Variants in ALDH5A1 observed in about 807,000 individuals in gnomAD.
The protein encoded by ALDH5A1 is aldehyde dehydrogenase 5 family member A1.
A neutral mutation model predicts 54.7 loss-of-function variants in ALDH5A1; 33 were observed. The ratio of observed to expected loss-of-function variants is 0.60; its 90% CI spans 0.46 to 0.81. ALDH5A1 has a LOEUF of 0.81. ALDH5A1 is among the 30% of genes least tolerant of loss of function. The pLI is 0.00. For synonymous variants in ALDH5A1, 294 were observed against 292.7 expected (o/e 1.00, Z -0.05); for missense variants, 657 against 711.0 (o/e 0.92, Z 0.86).
rs890442170 is a variant in ALDH5A1 at position 24,518,273 on chromosome 6, C to T, written c.871-2128C>T. Among the ~76,000 whole-genome samples, 9 of 152,122 alleles carry T rather than the reference C, an allele frequency of 5.9e-5. No homozygotes were observed. Among genetic ancestry groups the T allele is most frequent in the African/African-American group, 1.7e-4 (7 of 41,404 alleles). Reference sequence around the variant, plus strand: ...ACATGCTGTCTTTGGAAGCTGAGGCCCTGAGGAGGTCAGCCCATGGGAACT... The same window carrying T: ...ACATGCTGTCTTTGGAAGCTGAGGCTCTGAGGAGGTCAGCCCATGGGAACT... On this transcript the variant is annotated intron_variant, in intron 5 of 9. Transcript: ENST00000357578. The surrounding 1 kb of genome is among the most constrained non-coding windows in gnomAD (Gnocchi z 4.2).
In ALDH5A1 at chr6:24,522,501, G is replaced by GTGTGTGTA. The variant is rs1554137632; in HGVS notation, c.1015-263_1015-262insGTGTATGT. On this transcript the variant is annotated intron_variant, in intron 6 of 9. Transcript: ENST00000357578. ...TTCGTGTGTGTGTGTGTGTGTGTGT[G>GTGTGTGTA]TGTACAGGTGCTTATTGCCAACTAA... 293 of 362,302 alleles carry GTGTGTGTA rather than the reference G, an allele frequency of 8.1e-4. 1 individual carries two copies. The highest frequency in any genetic ancestry group is 2.4e-3 in the South Asian group (91 of 38,130). 22.4% of individuals were successfully genotyped at this position (362,302 alleles called of 1,614,324 possible).
chr6:24,529,788 C>T (rs891139289), intron 8 of ALDH5A1, among the ~76,000 whole-genome samples: 16 of 147,188 alleles, frequency 1.1e-4, no homozygotes, highest in African/African-American at 4.0e-4. Context: ...TCTCCTGACT[C>T]AGCCTCCTGA....
intron 4 of ALDH5A1, among the ~76,000 whole-genome samples, chr6:24,506,291 T>C (rs1759354914): frequency 8.2e-6 from 1 of 122,364 alleles, no homozygotes; most frequent in South Asian, 3.1e-4. Flanking sequence ...TCTCGCTCTG[T>C]CACCCAGGCT....
rs1045445950 is a variant in ALDH5A1, at chr6:24,495,129, C to A, written c.133C>A (p.Arg45Ser). ...GCCTGCGCCCGGCCCGGCCCAGCTC[C>A]GCTGCTACGCTGGGCGCCTGGCGGG... ...SGPAPGPAQL[R>S]CYAGRLAGLS... The change falls in exon 1 of 10, where the codon CGC (arginine) becomes AGC (serine). Residue 45 changes from arginine to serine, a missense_variant. Around this residue, in one of 2 missense-constraint regions of ALDH5A1, gnomAD observed 232 missense variants for 194.6 expected, o/e 1.19. Transcript: ENST00000357578. 1.5e-5 allele frequency: 21 copies of A among 1,388,378 alleles called. No homozygotes were observed. The African/African-American group carries it at 3.2e-4, about 21-fold the overall frequency. 86.0% of individuals were successfully genotyped at this position (1,388,378 alleles called of 1,614,324 possible). A position where few individuals can be genotyped will look rare whatever the true frequency, so the allele number is the denominator to read the frequency against.
chr6:24,520,678 C>A, intron 6 of ALDH5A1, 134 bp downstream of exon 6: 1 of 1,317,506 alleles, frequency 7.6e-7, no homozygotes, highest in Non-Finnish European at 1.1e-6. Context: ...GATCCCACCA[C>A]CTCTACTGCC....
Position 24,495,306 on chromosome 6 carries a change from GCTGCCT to G in ALDH5A1, c.311_316del (p.Ala104_Tyr106delinsAsp), listed in dbSNP as rs1450996016. On this transcript the variant is annotated inframe_deletion, in exon 1 of 10. Coordinates refer to ENST00000357578, the MANE Select transcript of ALDH5A1 (RefSeq NM_001080.3). ...GCGAGAGGCCCGCGCCGCCGTGCGC[GCTGCCT>G]ACGAGGCTTTCTGCCGCTGGAGGGA... The G allele has an allele frequency of 6.5e-7, 1 of 1,533,200 alleles. No individual in the cohort carries two copies. Among genetic ancestry groups the G allele is most frequent in the Admixed American group, 2.0e-5 (1 of 50,982 alleles). The allele number at this position is 1,533,200 out of a possible 1,614,324, so 95.0% of individuals were successfully genotyped here.
At chr6:24,499,853 G>T (rs1364097416) in intron 1 of ALDH5A1, among the ~76,000 whole-genome samples, 3 of 152,036 alleles carry the variant, frequency 2.0e-5, no homozygotes, top group African/African-American at 7.2e-5. Context: ...TAGAGACGGG[G>T]TTTCACCGTG....
rs943171942 is a variant in ALDH5A1, at chr6:24,536,091, T to G, written c.*2379T>G. 5 of 152,230 alleles carry G rather than the reference T, an allele frequency of 3.3e-5. No homozygotes were observed. The highest frequency in any genetic ancestry group is 1.2e-4 in the African/African-American group (5 of 41,452). 9.4% of individuals were successfully genotyped at this position (152,230 alleles called of 1,614,324 possible). On this transcript the variant is annotated 3_prime_UTR_variant, in exon 10 of 10. Coordinates refer to ENST00000357578, the MANE Select transcript of ALDH5A1 (RefSeq NM_001080.3). ...TGGTTGTGGGAAGAAAGAGAATTAT[T>G]TTTAACTGAACGTTTTTGTTGTTTT...
intron 4 of ALDH5A1, among the ~76,000 whole-genome samples, chr6:24,506,706 G>A (rs1315877796): frequency 6.6e-6 from 1 of 151,792 alleles, no homozygotes; most frequent in Non-Finnish European, 1.5e-5. Context: ...TACTTTTTTG[G>A]TATTTTCTCT....
At chr6:24,526,313 G>A (rs116290115) in intron 7 of ALDH5A1, among the ~76,000 whole-genome samples, 2,370 of 152,198 alleles carry the variant, frequency 0.016, 33 homozygotes, top group South Asian at 0.041. Context: ...AGAACAAACA[G>A]AATAGTCCCT....
Position 24,495,303 on chromosome 6 carries a change from C to T in ALDH5A1, c.307C>T (p.Arg103Cys), listed in dbSNP as rs952921207. 1 of 1,533,228 alleles carries T rather than the reference C, an allele frequency of 6.5e-7. No individual in the cohort carries two copies. 95.0% of individuals were successfully genotyped at this position (1,533,228 alleles called of 1,614,324 possible). Residue 103 changes from arginine (R) to cysteine (C), a missense_variant, in exon 1 of 10, where the codon CGC becomes TGC. Arg to Cys is a radical substitution (Grantham distance 180, BLOSUM62 -3). This residue lies in a region of ALDH5A1 where 232 missense variants were observed against 194.6 expected (regional missense o/e 1.19). Transcript: ENST00000357578. ...CGVREARAAV[R>C]AAYEAFCRWR... The stretch of plus-strand genomic sequence containing the variant: ...GGTGCGAGAGGCCCGCGCCGCCGTG[C>T]GCGCTGCCTACGAGGCTTTCTGCCG...
intron 9 of ALDH5A1, 139 bp from the exon 10 acceptor site, chr6:24,533,368 C>T (rs1471093750): frequency 2.3e-6 from 2 of 872,012 alleles, no homozygotes; most frequent in East Asian, 5.3e-5. Context: ...CAAGACCAAC[C>T]TGGGACTTTA....
chr6:24,523,991 T>G (rs899334615), intron 7 of ALDH5A1, among the ~76,000 whole-genome samples: 24 of 149,574 alleles, frequency 1.6e-4, no homozygotes, highest in African/African-American at 5.7e-4. Context: ...TTGTGTTTTT[T>G]TTTTTTTTTT....
intron 4 of ALDH5A1, among the ~76,000 whole-genome samples, chr6:24,506,231 C>T (rs1334029122): frequency 4.4e-5 from 5 of 113,522 alleles, no homozygotes; most frequent in Non-Finnish European, 5.9e-5. Context: ...GCACCTCCTT[C>T]TTTCCTGGTT....
intron 1 of ALDH5A1, among the ~76,000 whole-genome samples, chr6:24,497,290 A>G (rs1452667981): frequency 6.6e-6 from 1 of 151,892 alleles, no homozygotes; most frequent in Non-Finnish European, 1.5e-5. Context: ...CCTCCCTGCG[A>G]TTGGCTACTT....
At chr6:24,515,077 T>C (rs1759536591) in intron 4 of ALDH5A1, 90 bp from the exon 5 acceptor site, 1 of 1,438,066 alleles carries the variant, frequency 7.0e-7, no homozygotes, top group Non-Finnish European at 9.5e-7. Context: ...ACTTTTTGGG[T>C]TAAGTATCTA....
rs140376278 is a variant in ALDH5A1 at position 24,534,184 on chromosome 6, C to T, written c.*472C>T. 240 of 180,166 alleles carry T rather than the reference C, an allele frequency of 1.3e-3. No homozygotes were observed. Among genetic ancestry groups the T allele is most frequent in the African/African-American group, 5.3e-3 (224 of 42,366 alleles). 11.2% of individuals were successfully genotyped at this position (180,166 alleles called of 1,614,324 possible). A position where few individuals can be genotyped will look rare whatever the true frequency, so the allele number is the denominator to read the frequency against. On this transcript the variant is annotated 3_prime_UTR_variant, in exon 10 of 10. Transcript: ENST00000357578. ...CCCTCCCCGGCATCTGCCAGCTCAG[C>T]ACAGAAGACACCGAATGTGCATCTG... is the stretch of plus-strand genomic sequence containing the variant.
rs1561879386 is a variant in ALDH5A1, at chr6:24,528,166, AG to A, written c.1343+1del. 3 of 1,613,866 alleles carry A rather than the reference AG, an allele frequency of 1.9e-6. No homozygotes were observed. In the South Asian group the frequency reaches 3.3e-5, roughly 18 times the overall value. ...TTCGGGCCTCTGGCACCAGTTATCAAGTAAGATCCTCCAGCCAGCGGGGAGA... is the reference window on the plus strand; with the variant it reads ...TTCGGGCCTCTGGCACCAGTTATCAATAAGATCCTCCAGCCAGCGGGGAGA... On this transcript the variant is annotated splice_donor_variant, in intron 8 of 9. Transcript: ENST00000357578. LOFTEE classifies it high-confidence loss of function.
chr6:24,498,075 G>A (rs1411018472), intron 1 of ALDH5A1, among the ~76,000 whole-genome samples: 1 of 152,206 alleles, frequency 6.6e-6, no homozygotes, highest in East Asian at 1.9e-4. Flanking sequence ...TATATAGAAA[G>A]TAGGTGAAGG....
Sources: gnomAD v4.1 joint callset for allele counts (sites outside exome capture counted in the v4.1 genomes callset) on GRCh38, gnomAD v4.1.1 for gene constraint, gnomAD v4.1.1 regional missense constraint, Gnocchi (gnomAD v3.1) non-coding constraint, MANE v1.5 for transcripts, NCBI Gene and HGNC (gene_info 2026-07-23, HGNC 2026-07-21) for gene names.